The following ADRA1B variants were observed in gnomAD, a reference collection of about 807,000 sequenced individuals.
ADRA1B encodes the protein alpha-1B adrenergic receptor.
Under a neutral mutation model 17.9 loss-of-function variants are expected in ADRA1B, and 17 were observed. The observed-to-expected ratio is 0.95, with a 90% confidence interval of 0.65 to 1.42. The LOEUF (loss-of-function observed/expected upper bound fraction) is 1.42. Ranked by LOEUF, ADRA1B falls within the 40% of genes most tolerant of loss-of-function variation. ADRA1B has a pLI of 0.00. For synonymous variants in ADRA1B, 366 were observed against 327.6 expected (o/e 1.12, Z -1.27); for missense variants, 681 against 722.1 (o/e 0.94, Z 0.65).
chr5:159,865,688 A>T (rs1030338090), intron 1 of ADRA1B, among the ~76,000 whole-genome samples: 3 of 152,204 alleles, frequency 2.0e-5, no homozygotes, highest in Admixed American at 6.5e-5. Flanking sequence ...AGAAATCCAG[A>T]AAGCCCCATT....
chr5:159,986,528 G>C, the ADRA1B span, among the ~76,000 whole-genome samples: 4 of 152,230 alleles, frequency 2.6e-5, no homozygotes, highest in Non-Finnish European at 5.9e-5. Context: ...ACAGCTTTTA[G>C]TACCAAGAGC....
the ADRA1B span, among the ~76,000 whole-genome samples, chr5:159,980,390 C>G: frequency 6.6e-6 from 1 of 152,160 alleles, no homozygotes; most frequent in African/African-American, 2.4e-5. Context: ...GAACAAGACT[C>G]CACACTGCCT....
upstream of ADRA1B, among the ~76,000 whole-genome samples, chr5:159,912,492 C>A (rs1418379211): frequency 7.2e-5 from 11 of 152,224 alleles, no homozygotes; most frequent in Non-Finnish European, 1.6e-4. Context: ...AGACAGCTCT[C>A]CCTTTCCCTC....
At chr5:159,892,510 G>C (rs1161300245) in intron 1 of ADRA1B, among the ~76,000 whole-genome samples, 1 of 152,068 alleles carries the variant, frequency 6.6e-6, no homozygotes, top group Non-Finnish European at 1.5e-5. Context: ...ACAGGCCCCA[G>C]TGTGTGTTGT....
Position 159,917,790 on chromosome 5 carries a change from G to C in ADRA1B, c.885G>C (p.Thr295=), listed in dbSNP as rs149628499. ...CCAGGGAAAAGAAAGCAGCTAAGAC[G>C]TTGGGCATTGTGGTCGGTATGTTCA... The part of the protein sequence containing the change: ...KFSREKKAAK[T]LGIVVGMFIL... Residue 295 remains threonine, a synonymous_variant, in exon 1 of 2, where the codon ACG becomes ACC. Coordinates refer to ENST00000306675, the MANE Select transcript of ADRA1B (RefSeq NM_000679.4). 2.5e-6 allele frequency: 4 copies of C among 1,613,692 alleles called. No homozygotes were observed. Among genetic ancestry groups the C allele is most frequent in the Non-Finnish European group, 3.4e-6 (4 of 1,179,986 alleles).
chr5:159,924,615 A>T (rs181827093), intron 1 of ADRA1B, among the ~76,000 whole-genome samples: 117 of 152,296 alleles, frequency 7.7e-4, no homozygotes, highest in Admixed American at 4.1e-3. Flanking sequence ...TGACAGGATG[A>T]CGGGGCCAGT....
downstream of ADRA1B, among the ~76,000 whole-genome samples, chr5:159,976,510 T>C (rs1410418053): frequency 1.3e-5 from 2 of 151,644 alleles, no homozygotes; most frequent in Non-Finnish European, 2.9e-5. Context: ...CTACTAAATA[T>C]ATGAAAATTA....
chr5:159,866,295 G>GAAA (rs34220518), intron 1 of ADRA1B, among the ~76,000 whole-genome samples: 1 of 90,218 alleles, frequency 1.1e-5, no homozygotes, highest in African/African-American at 4.4e-5. Context: ...AACATAGTGA[G>GAAA]AAAAAAAAAA....
intron 1 of ADRA1B, among the ~76,000 whole-genome samples, chr5:159,895,141 C>T (rs371800247): frequency 3.3e-5 from 5 of 152,224 alleles, no homozygotes; most frequent in Middle Eastern, 3.2e-3. Flanking sequence ...GCAGCCCACA[C>T]GCTCTGAGAA....
At chr5:159,911,758 AC>A (rs1754229541), upstream of ADRA1B, among the ~76,000 whole-genome samples, 1 of 152,102 alleles carries the variant, frequency 6.6e-6, no homozygotes, top group African/African-American at 2.4e-5. Context: ...AGTGTACCCC[AC>A]CCAGAAGAAA....
chr5:159,972,536 TGGGGGGGAGGGGAGGGC>T lies in ADRA1B; in HGVS notation c.*49_*65del. 3.4e-5 allele frequency: 1 copy of T among 29,230 alleles called. No individual in the cohort carries two copies. Among genetic ancestry groups the T allele is most frequent in the Non-Finnish European group, 5.4e-5 (1 of 18,640 alleles). 1.8% of individuals were successfully genotyped at this position (29,230 alleles called of 1,614,324 possible). A position where few individuals can be genotyped will look rare whatever the true frequency, so the allele number is the denominator to read the frequency against. ...TCTTTCCCTGGGGAGGAAAACATCG[TGGGGGGGAGGGGAGGGC>T]GGGGCGGAGGGGGGAGGGGAGCGTC... On this transcript the variant is annotated 3_prime_UTR_variant, in exon 2 of 2. Coordinates refer to ENST00000306675, the MANE Select transcript of ADRA1B (RefSeq NM_000679.4).
At chr5:159,957,929 C>CAA (rs35956137) in intron 1 of ADRA1B, among the ~76,000 whole-genome samples, 452 of 66,100 alleles carry the variant, frequency 6.8e-3, no homozygotes, top group African/African-American at 7.5e-3. Flanking sequence ...AACCCCATCT[C>CAA]AAAAAAAAAA....
At chr5:159,893,040 G>T (rs1032834886) in intron 1 of ADRA1B, among the ~76,000 whole-genome samples, 2 of 152,178 alleles carry the variant, frequency 1.3e-5, no homozygotes, top group South Asian at 4.1e-4. Flanking sequence ...ACTGGTATGA[G>T]ATGGTGTTTC....
chr5:159,909,833 G>A (rs1366590424), intron 1 of ADRA1B, among the ~76,000 whole-genome samples: 2 of 152,156 alleles, frequency 1.3e-5, no homozygotes, highest in African/African-American at 4.8e-5. Flanking sequence ...CAACAAAATG[G>A]AAATCAATTG....
intron 1 of ADRA1B, among the ~76,000 whole-genome samples, chr5:159,924,318 T>C (rs963381990): frequency 6.6e-6 from 1 of 152,192 alleles, no homozygotes; most frequent in African/African-American, 2.4e-5. Flanking sequence ...GATATCCTAC[T>C]TGGCAAAATT....
chr5:159,865,453 G>A (rs781135359), intron 1 of ADRA1B, among the ~76,000 whole-genome samples: 12 of 152,158 alleles, frequency 7.9e-5, no homozygotes, highest in South Asian at 2.1e-4. Flanking sequence ...AAAGAAAAGC[G>A]TAACTCGCAT....
At chr5:159,870,502 T>C (rs1476097278) in intron 1 of ADRA1B, 2 of 152,206 alleles carry the variant, frequency 1.3e-5, no homozygotes, top group African/African-American at 4.8e-5. Context: ...CTATGGGAGA[T>C]TCAAAGATAT....
chr5:159,918,215 G>A (rs928585361), intron 1 of ADRA1B, among the ~76,000 whole-genome samples: 10 of 152,160 alleles, frequency 6.6e-5, no homozygotes, highest in African/African-American at 1.7e-4. Flanking sequence ...CTAAGGCAGC[G>A]TCACTAATGC....
intron 1 of ADRA1B, among the ~76,000 whole-genome samples, chr5:159,941,322 T>G (rs146546621): frequency 1.3e-5 from 2 of 152,286 alleles, no homozygotes; most frequent in African/African-American, 4.8e-5. Context: ...TGCTGAGGTG[T>G]TTTTCAGCTT....
Sources: allele counts gnomAD v4.1 joint callset (sites outside exome capture counted in the v4.1 genomes callset), GRCh38; gene constraint gnomAD v4.1.1; transcripts MANE v1.5; gene names NCBI Gene and HGNC (gene_info 2026-07-23, HGNC 2026-07-21).